COL12A1: variants seen among roughly 807,000 people sequenced by gnomAD.
COL12A1 encodes the protein collagen type XII alpha 1 chain.
In COL12A1, 114 loss-of-function variants were observed where a neutral mutation model predicts 349.7. That is an observed-to-expected ratio of 0.33 (90% CI 0.28 to 0.38). The LOEUF (loss-of-function observed/expected upper bound fraction) is 0.38. Ranked by LOEUF, COL12A1 falls within the 10% of genes least tolerant of loss-of-function variation. The pLI is 1.00. For missense variants in COL12A1, 3,284 were observed against 3,756.9 expected, an observed-to-expected ratio of 0.87 and a Z score of 3.29; for synonymous variants, 1,369 against 1,329.0, an observed-to-expected ratio of 1.03 and a Z score of -0.66.
chr6:75,183,030 TA>T lies in COL12A1; in HGVS notation c.1891+19del. ...TCTTTGTTCATGAAGAAATAACTTT[TA>T]CTCTCAAAGTCTACTAACCTTTCTT... On this transcript the variant is annotated intron_variant, in intron 10 of 65. Coordinates refer to ENST00000322507, the MANE Select transcript of COL12A1 (RefSeq NM_004370.6). 6.4e-7 allele frequency: 1 copy of T among 1,558,456 alleles called. No individual in the cohort carries two copies.
At chr6:75,092,276 A>G (rs764910233) in intron 60 of COL12A1, among the ~76,000 whole-genome samples, 1 of 152,162 alleles carries the variant, frequency 6.6e-6, no homozygotes, top group Non-Finnish European at 1.5e-5. Flanking sequence ...GCAAACCACC[A>G]TAGCACGTGT....
intron 64 of COL12A1, among the ~76,000 whole-genome samples, chr6:75,088,722 G>C (rs2149324550): frequency 6.6e-6 from 1 of 152,020 alleles, no homozygotes; most frequent in South Asian, 2.1e-4. Flanking sequence ...GATGAAGTTG[G>C]CTGGGAGCGG....
chr6:75,140,423 G>A (rs1766832184), intron 27 of COL12A1, among the ~76,000 whole-genome samples: 1 of 152,124 alleles, frequency 6.6e-6, no homozygotes, highest in Non-Finnish European at 1.5e-5. Context: ...TTGGGAGACC[G>A]AGGCGGGCGG....
chr6:75,133,329 C>A lies in COL12A1; in HGVS notation c.5758G>T (p.Gly1920Cys). 1 of 1,608,190 alleles carries A rather than the reference C, an allele frequency of 6.2e-7. No homozygotes were observed. Among genetic ancestry groups the A allele is most frequent in the Non-Finnish European group, 8.5e-7 (1 of 1,177,460 alleles). The change falls in exon 34 of 66, where the codon GGT (glycine) becomes TGT (cysteine). Residue 1920 changes from glycine to cysteine, a missense_variant. By Grantham distance (159) the Gly-to-Cys change is radical (BLOSUM62 -3). Transcript: ENST00000322507. ...TVTVVPVYTEGDGGRTSDTGR... is the reference protein window; with the variant it reads ...TVTVVPVYTECDGGRTSDTGR... ...GTATCTGATGTGCGTCCCCCATCAC[C>A]TTCAGTATAAACGGGAACTACAGTC...
At chr6:75,113,574 G>T in intron 50 of COL12A1, 28 bp downstream of exon 50, 6 of 1,590,364 alleles carry the variant, frequency 3.8e-6, no homozygotes, top group Non-Finnish European at 5.1e-6. Context: ...AACTAAGTAT[G>T]CATGTGCCTT....
At position 75,117,496 on chromosome 6, in the gene COL12A1, C is replaced by T; in HGVS notation, c.7405G>A (p.Ala2469Thr). Reference protein sequence around the residue: ...GVADVDYNELANIASKPSERH... With the variant: ...GVADVDYNELTNIASKPSERH... Reference sequence around the variant, plus strand: ...TCACTTGGTTTGCTGGCAATGTTGGCAAGCTCATTGTAGTCGACATCAGCC... The same window carrying T: ...TCACTTGGTTTGCTGGCAATGTTGGTAAGCTCATTGTAGTCGACATCAGCC... Residue 2469 changes from alanine (A) to threonine (T), a missense_variant, in exon 47 of 66, where the codon GCC becomes ACC. Around this residue, in one of 2 missense-constraint regions of COL12A1, gnomAD observed 683 missense variants for 932.1 expected, o/e 0.73. Coordinates refer to ENST00000322507, the MANE Select transcript of COL12A1 (RefSeq NM_004370.6). 2 of 1,613,692 alleles carry T rather than the reference C, an allele frequency of 1.2e-6. No homozygotes were observed. Among genetic ancestry groups the T allele is most frequent in the South Asian group, 2.2e-5 (2 of 91,070 alleles).
intron 14 of COL12A1, among the ~76,000 whole-genome samples, chr6:75,164,283 T>C (rs1441715623): frequency 2.6e-5 from 4 of 152,026 alleles, no homozygotes; most frequent in Admixed American, 6.6e-5. Flanking sequence ...AAAAAGAAAA[T>C]GAACTTAGAC....
At chr6:75,141,327 A>G (rs1204371619) in intron 27 of COL12A1, among the ~76,000 whole-genome samples, 1 of 152,212 alleles carries the variant, frequency 6.6e-6, no homozygotes, top group Non-Finnish European at 1.5e-5. Context: ...GCAAGGGGGA[A>G]GTAGAATCCA....
chr6:75,100,584 G>C (rs1409440780), intron 58 of COL12A1, among the ~76,000 whole-genome samples: 1 of 152,012 alleles, frequency 6.6e-6, no homozygotes, highest in African/African-American at 2.4e-5. Context: ...TTTTCTCTTT[G>C]ACCTCTCTCT....
At position 75,137,475 on chromosome 6, in the gene COL12A1, T is replaced by A; in HGVS notation, c.5356A>T (p.Thr1786Ser). 1 of 1,613,538 alleles carries A rather than the reference T, an allele frequency of 6.2e-7. No homozygotes were observed. The highest frequency in any genetic ancestry group is 8.5e-7 in the Non-Finnish European group (1 of 1,179,750). The change falls in exon 31 of 66, where the codon ACT (threonine) becomes TCT (serine). Residue 1786 changes from threonine to serine, a missense_variant. This residue lies in a region of COL12A1 where 2,601 missense variants were observed against 2,824.8 expected (regional missense o/e 0.92). Coordinates refer to ENST00000322507, the MANE Select transcript of COL12A1 (RefSeq NM_004370.6). ...ASGRVQKYRI[T>S]YQPSTGEGNE... ...CCTTCCCCTGTGGAAGGCTGATAAGTGATCCTATATTTCTGCACACGACCA... is the reference window on the plus strand; with the variant it reads ...CCTTCCCCTGTGGAAGGCTGATAAGAGATCCTATATTTCTGCACACGACCA...
chr6:75,124,325 A>G lies in COL12A1; in HGVS notation c.6654T>C (p.Asp2218=). Residue 2218 remains aspartate, a synonymous_variant, in exon 41 of 66, where the codon GAT becomes GAC. Transcript: ENST00000322507. The stretch of plus-strand genomic sequence containing the variant: ...GAGGTGACCATTTGACACAGAATGT[A>G]TCCCACCCAATCTGGTAAGTTTTCA... ...TDLKTYQIGW[D]TFCVKWSPHR... The G allele has an allele frequency of 6.2e-7, 1 of 1,613,500 alleles. No individual in the cohort carries two copies. The highest frequency in any genetic ancestry group is 8.5e-7 in the Non-Finnish European group (1 of 1,179,672).
At chr6:75,195,146 A>C (rs1770155448) in intron 2 of COL12A1, among the ~76,000 whole-genome samples, 199 bp from the exon 3 acceptor site, 1 of 152,204 alleles carries the variant, frequency 6.6e-6, no homozygotes, top group Non-Finnish European at 1.5e-5. Flanking sequence ...ATATTACAGA[A>C]GACAGCACAA....
At chr6:75,141,930 T>C in intron 27 of COL12A1, 102 bp downstream of exon 27, 1 of 1,414,108 alleles carries the variant, frequency 7.1e-7, no homozygotes, top group Non-Finnish European at 9.7e-7. Context: ...TATTAAACAC[T>C]GGCAAAGGTA....
Position 75,183,507 on chromosome 6 carries a change from C to G in COL12A1, c.1434G>C (p.Gln478His), listed in dbSNP as rs762385473. The part of the protein sequence containing the change: ...KSFEISPNRV[Q>H]ISLVQYSRDP... The stretch of plus-strand genomic sequence containing the variant: ...CCCGGCTGTATTGCACAAGACTAAT[C>G]TGGACCCTATTTGGTGAAATTTCAA... Residue 478 changes from glutamine to histidine, a missense_variant, in exon 10 of 66, where the codon CAG becomes CAC. Around this residue, in one of 2 missense-constraint regions of COL12A1, gnomAD observed 2,601 missense variants for 2,824.8 expected, o/e 0.92. Transcript: ENST00000322507. 5.5e-5 allele frequency: 89 copies of G among 1,614,012 alleles called. No homozygotes were observed. Among genetic ancestry groups the G allele is most frequent in the Non-Finnish European group, 7.2e-5 (85 of 1,180,016 alleles).
chr6:75,096,625 G>A (rs1303526525), intron 59 of COL12A1, among the ~76,000 whole-genome samples: 3 of 152,174 alleles, frequency 2.0e-5, no homozygotes, highest in Non-Finnish European at 2.9e-5. Flanking sequence ...GGCCGGGCGC[G>A]GTGGCTCACG....
chr6:75,190,857 TA>T (rs1310880140), intron 5 of COL12A1, among the ~76,000 whole-genome samples: 1 of 151,948 alleles, frequency 6.6e-6, no homozygotes, highest in African/African-American at 2.4e-5. Context: ...ATACTTGGCA[TA>T]ATACCTCAAT....
At chr6:75,174,173 G>A (rs953914334) in intron 13 of COL12A1, among the ~76,000 whole-genome samples, 2 of 152,196 alleles carry the variant, frequency 1.3e-5, no homozygotes, top group African/African-American at 4.8e-5. Context: ...CTCCAGTCTT[G>A]CTGATGTTTC....
chr6:75,150,458 T>C (rs1767424298), intron 21 of COL12A1, among the ~76,000 whole-genome samples: 1 of 152,152 alleles, frequency 6.6e-6, no homozygotes, highest in Non-Finnish European at 1.5e-5. Context: ...TCTTCACTGG[T>C]AAAAAGAGGT....
chr6:75,177,982 CTT>C (rs1562283856), intron 11 of COL12A1, 47 bp from the exon 12 acceptor site: 1 of 1,519,042 alleles, frequency 6.6e-7, no homozygotes, highest in Non-Finnish European at 8.8e-7. Flanking sequence ...AATTGACTGA[CTT>C]TATATGAAAA....
Sources: gnomAD v4.1 joint callset for allele counts (sites outside exome capture counted in the v4.1 genomes callset) on GRCh38, gnomAD v4.1.1 for gene constraint, gnomAD v4.1.1 regional missense constraint, MANE v1.5 for transcripts, NCBI Gene and HGNC (gene_info 2026-07-23, HGNC 2026-07-21) for gene names.